The following SPOCK1 variants were observed in gnomAD, a reference collection of about 807,000 sequenced individuals.
The protein encoded by SPOCK1 is SPARC (osteonectin), cwcv and kazal like domains proteoglycan 1.
Under a neutral mutation model 55.3 loss-of-function variants are expected in SPOCK1, and 23 were observed. The observed-to-expected ratio is 0.42, with a 90% CI of 0.30 to 0.59. The LOEUF (loss-of-function observed/expected upper bound fraction) is 0.59, where lower values mean the gene tolerates loss of function less well. Among genes scored for constraint, SPOCK1 ranks in the 20% least tolerant of loss-of-function variants. SPOCK1 has a pLI of 0.22. For missense variants in SPOCK1, 499 were observed against 552.5 expected (o/e 0.90, Z 0.97); for synonymous variants, 226 against 221.0 (o/e 1.02, Z -0.20).
At chr5:137,390,155 G>A (rs1227806124) in intron 2 of SPOCK1, among the ~76,000 whole-genome samples, 1 of 152,044 alleles carries the variant, frequency 6.6e-6, no homozygotes, top group African/African-American at 2.4e-5. Flanking sequence ...GGGTACTTGG[G>A]GATTTTCTAT....
At chr5:137,013,235 GT>G (rs1448239778) in intron 6 of SPOCK1, among the ~76,000 whole-genome samples, 1 of 127,492 alleles carries the variant, frequency 7.8e-6, no homozygotes, top group African/African-American at 2.7e-5. Context: ...GTTTTGTTTT[GT>G]TTTGTTTTTT....
At chr5:137,070,115 T>C (rs1027440057) in intron 5 of SPOCK1, among the ~76,000 whole-genome samples, 2 of 152,166 alleles carry the variant, frequency 1.3e-5, no homozygotes, top group African/African-American at 4.8e-5. Flanking sequence ...TGAGCAGACA[T>C]GTCAAGAATC....
chr5:137,106,553 C>T (rs745393277), intron 5 of SPOCK1, among the ~76,000 whole-genome samples: 9 of 152,022 alleles, frequency 5.9e-5, no homozygotes, highest in Non-Finnish European at 1.0e-4. Context: ...ATCTGAAATT[C>T]GAATCATTGC....
At chr5:137,206,057 T>C (rs76681490) in intron 3 of SPOCK1, among the ~76,000 whole-genome samples, 2,939 of 152,276 alleles carry the variant, frequency 0.019, 92 homozygotes, top group African/African-American at 0.067. Context: ...CCTCACACTA[T>C]CCTGCAGCAC....
At chr5:137,101,240 T>C (rs1337051165) in intron 5 of SPOCK1, among the ~76,000 whole-genome samples, 1 of 152,272 alleles carries the variant, frequency 6.6e-6, no homozygotes, top group African/African-American at 2.4e-5. Context: ...CTTATAGCAC[T>C]GTGTCTATTC....
intron 4 of SPOCK1, among the ~76,000 whole-genome samples, chr5:137,136,516 CA>C (rs543495817): frequency 6.6e-6 from 1 of 151,812 alleles, no homozygotes; most frequent in South Asian, 2.1e-4. Context: ...TCAGTTTTGA[CA>C]AAAACACACC....
intron 2 of SPOCK1, among the ~76,000 whole-genome samples, chr5:137,488,890 T>C (rs974842547): frequency 1.3e-5 from 2 of 152,166 alleles, no homozygotes; most frequent in Non-Finnish European, 2.9e-5. Flanking sequence ...GCATTACAAA[T>C]CCTTGTATAA....
At chr5:137,213,002 G>A (rs1755647379) in intron 3 of SPOCK1, among the ~76,000 whole-genome samples, 1 of 152,156 alleles carries the variant, frequency 6.6e-6, no homozygotes, top group Admixed American at 6.5e-5. Context: ...CATGAGTCTT[G>A]GTTTCAATGC....
At chr5:137,269,930 T>C (rs1756929245) in intron 2 of SPOCK1, among the ~76,000 whole-genome samples, 1 of 152,190 alleles carries the variant, frequency 6.6e-6, no homozygotes, top group South Asian at 2.1e-4. Flanking sequence ...AAAAAAATCT[T>C]ATTTTCTATC....
intron 3 of SPOCK1, among the ~76,000 whole-genome samples, chr5:137,172,107 G>A (rs1338031963): frequency 2.0e-5 from 3 of 152,158 alleles, no homozygotes; most frequent in Non-Finnish European, 4.4e-5. Flanking sequence ...ACCAAACAAT[G>A]CAGCCCTGGC....
chr5:137,139,793 T>C (rs1754059663), intron 4 of SPOCK1, among the ~76,000 whole-genome samples: 1 of 152,102 alleles, frequency 6.6e-6, no homozygotes, highest in South Asian at 2.1e-4. Context: ...CCCATCTGAC[T>C]CCCTTCTTAA....
At chr5:137,237,512 G>A (rs1385743474) in intron 3 of SPOCK1, among the ~76,000 whole-genome samples, 2 of 152,192 alleles carry the variant, frequency 1.3e-5, no homozygotes, top group East Asian at 1.9e-4. Context: ...CTTTACTGAC[G>A]TCTCACAAGA....
At chr5:137,115,613 T>C (rs1580758391) in intron 4 of SPOCK1, among the ~76,000 whole-genome samples, 3 of 152,102 alleles carry the variant, frequency 2.0e-5, no homozygotes, top group Admixed American at 2.0e-4. Flanking sequence ...TAGGACACGT[T>C]GGGGGCTCTG....
intron 3 of SPOCK1, among the ~76,000 whole-genome samples, chr5:137,263,014 T>C (rs956879481): frequency 2.6e-5 from 4 of 152,178 alleles, no homozygotes; most frequent in African/African-American, 9.7e-5. Context: ...ATCAGAGAAG[T>C]TAAGCTACTT....
intron 6 of SPOCK1, among the ~76,000 whole-genome samples, chr5:137,029,674 A>G (rs187926281): frequency 4.1e-4 from 62 of 152,358 alleles, no homozygotes; most frequent in Non-Finnish European, 7.8e-4. Flanking sequence ...AGCCAAGAGG[A>G]AACCAAATTT....
chr5:136,978,769 C>G lies in SPOCK1; in HGVS notation c.1205G>C (p.Arg402Pro). ...CTCTTTGTCCTTTGGTCCCAGCTCCCGTTCATATTCTAGGTCATCCAGCAG... is the reference window on the plus strand; with the variant it reads ...CTCTTTGTCCTTTGGTCCCAGCTCCGGTTCATATTCTAGGTCATCCAGCAG... ...VVLLDDLEYE[R>P]ELGPKDKEGK... Residue 402 changes from arginine to proline, a missense_variant, in exon 11 of 11, where the codon CGG (arginine) becomes CCG (proline). By Grantham distance (103) the Arg-to-Pro change is moderately radical (BLOSUM62 -2). Coordinates refer to ENST00000394945, the MANE Select transcript of SPOCK1 (RefSeq NM_004598.4). 1 of 1,614,054 alleles carries G rather than the reference C, an allele frequency of 6.2e-7. No individual in the cohort carries two copies. The highest frequency in any genetic ancestry group is 1.1e-5 in the South Asian group (1 of 91,076).
intron 3 of SPOCK1, among the ~76,000 whole-genome samples, chr5:137,230,033 C>T (rs1479057046): frequency 6.6e-6 from 1 of 152,162 alleles, no homozygotes; most frequent in Non-Finnish European, 1.5e-5. Context: ...ATGCAAGACT[C>T]GCCCATGCTC....
intron 4 of SPOCK1, among the ~76,000 whole-genome samples, chr5:137,129,271 G>T (rs981671490): frequency 4.6e-5 from 7 of 152,180 alleles, no homozygotes; most frequent in Non-Finnish European, 8.8e-5. Flanking sequence ...CTTTGCAGAG[G>T]CTGTTCCCTC....
chr5:137,477,665 G>A (rs1753864062), intron 2 of SPOCK1, among the ~76,000 whole-genome samples: 1 of 152,176 alleles, frequency 6.6e-6, no homozygotes, highest in Admixed American at 6.5e-5. Flanking sequence ...ACTGGACTGT[G>A]ACGCTTCCCC....
Sources: gnomAD v4.1 joint callset for allele counts (sites outside exome capture counted in the v4.1 genomes callset) on GRCh38, gnomAD v4.1.1 for gene constraint, MANE v1.5 for transcripts, NCBI Gene and HGNC (gene_info 2026-07-23, HGNC 2026-07-21) for gene names.